The following GRID2 variants were observed in gnomAD, a reference collection of about 807,000 sequenced individuals.
GRID2 encodes the protein glutamate receptor ionotropic, delta-2.
In GRID2, 33 loss-of-function variants were observed where a neutral mutation model predicts 114.8. That is an observed-to-expected ratio of 0.29 (90% CI 0.22 to 0.38). The LOEUF is 0.38. GRID2 is among the 10% of genes least tolerant of loss of function. The pLI, the probability that GRID2 is intolerant of heterozygous loss-of-function variation, is 1.00. For missense variants in GRID2, 1,184 were observed against 1,257.7 expected (o/e 0.94, Z 0.89); for synonymous variants, 505 against 449.9 (o/e 1.12, Z -1.55).
At chr4:93,437,471 T>A (rs1441846707) in intron 10 of GRID2, among the ~76,000 whole-genome samples, 1 of 152,118 alleles carries the variant, frequency 6.6e-6, no homozygotes, top group Non-Finnish European at 1.5e-5. Context: ...CAGAGCTGTT[T>A]TTTTTTAAAC....
chr4:92,942,707 C>A (rs1578550245), intron 2 of GRID2, among the ~76,000 whole-genome samples: 1 of 152,096 alleles, frequency 6.6e-6, no homozygotes, highest in Non-Finnish European at 1.5e-5. Context: ...GTGGCTGGTA[C>A]CGGTTGTTCC....
At chr4:93,127,607 C>T (rs1734395673) in intron 4 of GRID2, among the ~76,000 whole-genome samples, 1 of 152,046 alleles carries the variant, frequency 6.6e-6, no homozygotes, top group Non-Finnish European at 1.5e-5. Flanking sequence ...CAAGTTTAGC[C>T]TCATTTTACA....
At chr4:93,252,620 T>G (rs769564878) in intron 8 of GRID2, among the ~76,000 whole-genome samples, 17 of 152,174 alleles carry the variant, frequency 1.1e-4, no homozygotes, top group Admixed American at 5.2e-4. Context: ...AATGGTAGTT[T>G]AATGGAAATA....
chr4:92,629,541 G>A (rs1008018926), intron 2 of GRID2, among the ~76,000 whole-genome samples: 1 of 152,040 alleles, frequency 6.6e-6, no homozygotes, highest in Non-Finnish European at 1.5e-5. Context: ...AATGGAATTG[G>A]ATATAACATG....
intron 14 of GRID2, among the ~76,000 whole-genome samples, chr4:93,633,166 T>TA (rs1721088535): frequency 3.3e-5 from 5 of 152,206 alleles, no homozygotes. Flanking sequence ...TAGCTACTTT[T>TA]ATTCATTTAT....
intron 1 of GRID2, among the ~76,000 whole-genome samples, chr4:92,489,064 G>A (rs558183543): frequency 4.5e-4 from 68 of 152,240 alleles, no homozygotes; most frequent in African/African-American, 1.6e-3. Context: ...GTATAGGTGG[G>A]TAAGTCCTCA....
chr4:93,108,198 C>T (rs1732431516), intron 3 of GRID2, among the ~76,000 whole-genome samples: 1 of 152,188 alleles, frequency 6.6e-6, no homozygotes, highest in Non-Finnish European at 1.5e-5. Flanking sequence ...TATCCTCCTC[C>T]TCACCCTATT....
At chr4:93,585,549 T>G (rs769126611) in intron 13 of GRID2, among the ~76,000 whole-genome samples, 1 of 152,104 alleles carries the variant, frequency 6.6e-6, no homozygotes, top group Non-Finnish European at 1.5e-5. Context: ...ATGAGGTCCA[T>G]TTGTAAACTG....
chr4:93,581,042 C>T (rs1361105363), intron 13 of GRID2, among the ~76,000 whole-genome samples: 1 of 151,838 alleles, frequency 6.6e-6, no homozygotes, highest in South Asian at 2.1e-4. Flanking sequence ...GTTTGCTGCA[C>T]CCATCAACCC....
At chr4:92,367,262 A>T (rs1468012049) in intron 1 of GRID2, among the ~76,000 whole-genome samples, 1 of 152,092 alleles carries the variant, frequency 6.6e-6, no homozygotes, top group African/African-American at 2.4e-5. Flanking sequence ...GCCTTGCTAC[A>T]CATGTTAGTT....
At chr4:92,647,049 A>G (rs1206921841) in intron 2 of GRID2, among the ~76,000 whole-genome samples, 2 of 152,226 alleles carry the variant, frequency 1.3e-5, no homozygotes, top group East Asian at 1.9e-4. Flanking sequence ...CAACAAATGT[A>G]CAATGATCGG....
At chr4:93,534,546 T>C (rs572370704) in intron 13 of GRID2, among the ~76,000 whole-genome samples, 21 of 152,232 alleles carry the variant, frequency 1.4e-4, no homozygotes, top group African/African-American at 4.3e-4. Flanking sequence ...TTTCACTCAC[T>C]GATAGATCCC....
chr4:92,762,755 A>G (rs1738080863), intron 2 of GRID2, among the ~76,000 whole-genome samples: 1 of 152,178 alleles, frequency 6.6e-6, no homozygotes. Context: ...CAGGAAGAGG[A>G]TATTTAAATT....
chr4:93,225,705 G>A (rs551807894), intron 7 of GRID2, among the ~76,000 whole-genome samples: 4 of 152,250 alleles, frequency 2.6e-5, no homozygotes, highest in South Asian at 4.1e-4. Flanking sequence ...ACAAAAACTA[G>A]AAGTAGAGGA....
intron 2 of GRID2, among the ~76,000 whole-genome samples, chr4:92,930,552 ATTCT>A (rs967191958): frequency 4.9e-4 from 72 of 146,456 alleles, no homozygotes; most frequent in African/African-American, 1.7e-3. Flanking sequence ...AATTGGAAAG[ATTCT>A]TTATCTTGTT....
chr4:92,368,291 T>G (rs1728965908), intron 1 of GRID2, among the ~76,000 whole-genome samples: 1 of 152,058 alleles, frequency 6.6e-6, no homozygotes. Context: ...CCTAGAGTTG[T>G]CCTTGAGAAG....
chr4:93,255,796 G>A (rs879855209), intron 8 of GRID2, among the ~76,000 whole-genome samples: 1 of 151,990 alleles, frequency 6.6e-6, no homozygotes, highest in African/African-American at 2.4e-5. Flanking sequence ...GAACTTCCCA[G>A]ACTAAGGAAC....
At chr4:93,095,514 A>G (rs1047511213) in intron 3 of GRID2, among the ~76,000 whole-genome samples, 2 of 152,104 alleles carry the variant, frequency 1.3e-5, no homozygotes, top group Admixed American at 6.6e-5. Context: ...GAAGAAGCAA[A>G]TATGTCTTTA....
intron 8 of GRID2, among the ~76,000 whole-genome samples, chr4:93,258,128 AT>A (rs999993379): frequency 5.3e-5 from 8 of 151,340 alleles, no homozygotes; most frequent in African/African-American, 1.9e-4. Context: ...AAAAAATTTT[AT>A]TCTCATGGAA....
Sources: allele counts gnomAD v4.1 joint callset (sites outside exome capture counted in the v4.1 genomes callset), GRCh38; gene constraint gnomAD v4.1.1; transcripts MANE v1.5; gene names NCBI Gene and HGNC (gene_info 2026-07-23, HGNC 2026-07-21).